MAPT: variants seen among roughly 807,000 people sequenced by gnomAD.
The protein encoded by MAPT is microtubule associated protein tau.
Under a neutral mutation model 67.9 loss-of-function variants are expected in MAPT, and 34 were observed. The ratio of observed to expected loss-of-function variants is 0.50; its 90% CI spans 0.38 to 0.67. The LOEUF (loss-of-function observed/expected upper bound fraction) is 0.67. MAPT is among the 30% of genes least tolerant of loss of function. The pLI is 0.00. For missense variants in MAPT, 881 were observed against 1,115.2 expected (o/e 0.79, Z 2.99); for synonymous variants, 456 against 464.5 (o/e 0.98, Z 0.23).
intron 1 of MAPT, among the ~76,000 whole-genome samples, chr17:45,901,490 A>G (rs559146195): frequency 3.3e-5 from 5 of 152,360 alleles, no homozygotes; most frequent in Admixed American, 6.5e-5. Context: ...TTGAGAGTAG[A>G]GTAGAAAAGG....
Position 46,010,520 on chromosome 17 carries a change from C to G in MAPT, c.2091+118C>G. ...TAAATCCTTCTTGGGCTCTCAGGAT[C>G]TGGCTGCGACCTCTGGGTGAATGTA... On this transcript the variant is annotated intron_variant, in intron 10 of 12. Coordinates refer to ENST00000262410, the MANE Select transcript of MAPT (RefSeq NM_001377265.1). This position sits in a 1 kb window ranked among gnomAD's most constrained non-coding sequence, Gnocchi z 4.7. The G allele has an allele frequency of 1.3e-6, 1 of 786,466 alleles. No individual in the cohort carries two copies. Among genetic ancestry groups the G allele is most frequent in the Non-Finnish European group, 2.2e-6 (1 of 457,494 alleles). 48.7% of individuals were successfully genotyped at this position (786,466 alleles called of 1,614,324 possible). A position where few individuals can be genotyped will look rare whatever the true frequency, so the allele number is the denominator to read the frequency against.
intron 11 of MAPT, among the ~76,000 whole-genome samples, chr17:46,014,701 C>T (rs1047770655): frequency 4.6e-5 from 7 of 152,114 alleles, no homozygotes; most frequent in Non-Finnish European, 7.4e-5. Flanking sequence ...AGTGAAACCC[C>T]GTCTCTACTA....
intron 10 of MAPT, 45 bp from the exon 11 acceptor site, chr17:46,014,194 TCCTC>T: frequency 9.5e-7 from 1 of 1,052,980 alleles, no homozygotes; most frequent in Non-Finnish European, 1.5e-6. Context: ...CTCTCTGTCT[TCCTC>T]TCTCTCTGCC....
intron 9 of MAPT, chr17:45,999,223 AG>A (rs1325789265): frequency 6.2e-5 from 97 of 1,559,646 alleles, no homozygotes; most frequent in Non-Finnish European, 7.0e-5. Context: ...CTCTTCTTAA[AG>A]CCCCTGTAAA....
At chr17:46,011,793 C>T (rs2075834866) in intron 10 of MAPT, among the ~76,000 whole-genome samples, 1 of 152,174 alleles carries the variant, frequency 6.6e-6, no homozygotes, top group South Asian at 2.1e-4. Flanking sequence ...GCATCCAGCC[C>T]AGAGGGTTTA....
Position 45,971,520 on chromosome 17 carries a change from C to T in MAPT, c.134-339C>T, listed in dbSNP as rs1049923439. On this transcript the variant is annotated intron_variant, in intron 2 of 12. Transcript: ENST00000262410. This position sits in a 1 kb window ranked among gnomAD's most constrained non-coding sequence, Gnocchi z 4.3. The stretch of plus-strand genomic sequence containing the variant: ...CAAAGCAGAAGGTTCATGCGTAGCT[C>T]GGCTTTCTGGTATTTGCTGCCCGTT... 1.3e-5 allele frequency among the ~76,000 whole-genome samples: 2 copies of T among 152,140 alleles called. No individual in the cohort carries two copies. Among genetic ancestry groups the T allele is most frequent in the Admixed American group, 6.5e-5 (1 of 15,270 alleles).
chr17:45,960,442 G>A (rs374085093), intron 1 of MAPT, among the ~76,000 whole-genome samples: 3 of 152,230 alleles, frequency 2.0e-5, no homozygotes, highest in East Asian at 1.9e-4. Context: ...GGCATGTGCC[G>A]CCTGTCCTGG....
At chr17:46,003,470 G>A (rs2435202) in intron 9 of MAPT, among the ~76,000 whole-genome samples, 7,674 of 151,860 alleles carry the variant, frequency 0.051, 562 homozygotes, top group East Asian at 0.35. Context: ...GTAGAGGAGG[G>A]GTGTCACCAT....
chr17:45,992,902 A>G, intron 8 of MAPT, among the ~76,000 whole-genome samples: 1 of 151,948 alleles, frequency 6.6e-6, no homozygotes, highest in East Asian at 1.9e-4. Flanking sequence ...AAAAAAAAAA[A>G]AAAAAAAACA....
At chr17:45,903,084 G>T (rs1369618916) in intron 1 of MAPT, among the ~76,000 whole-genome samples, 1 of 152,168 alleles carries the variant, frequency 6.6e-6, no homozygotes, top group Non-Finnish European at 1.5e-5. Context: ...AAGGATATTA[G>T]AAGACCCCTG....
chr17:45,964,091 G>A, intron 2 of MAPT, among the ~76,000 whole-genome samples: 1 of 152,104 alleles, frequency 6.6e-6, no homozygotes, highest in Non-Finnish European at 1.5e-5. Flanking sequence ...ATGGCAAGAT[G>A]GAAATGTGCT....
chr17:45,983,158 C>A lies in MAPT; in HGVS notation c.579C>A (p.Thr193=). The change falls in exon 5 of 13, where the codon ACC becomes ACA. Residue 193 remains threonine (T), a synonymous_variant. Coordinates refer to ENST00000262410, the MANE Select transcript of MAPT (RefSeq NM_001377265.1). ...GTCCGGCCTTTCCGAAGCCCGCCAC[C>A]ACTGCGTATCTCCACACAGAGCCTG... ...EKGPAFPKPA[T]TAYLHTEPES... 6.2e-7 allele frequency: 1 copy of A among 1,603,680 alleles called. No homozygotes were observed.
intron 1 of MAPT, among the ~76,000 whole-genome samples, chr17:45,921,137 G>A (rs2065673641): frequency 6.6e-6 from 1 of 152,174 alleles, no homozygotes; most frequent in African/African-American, 2.4e-5. Context: ...AGTAGGACTT[G>A]CAATTAAAAG....
intron 1 of MAPT, among the ~76,000 whole-genome samples, chr17:45,943,176 C>T (rs1041212428): frequency 6.6e-6 from 1 of 152,208 alleles, no homozygotes; most frequent in Admixed American, 6.5e-5. Context: ...GCCTCAGCCT[C>T]CCAAGTAGCT....
At chr17:45,998,355 T>G (rs1347463866) in intron 9 of MAPT, among the ~76,000 whole-genome samples, 1 of 152,092 alleles carries the variant, frequency 6.6e-6, no homozygotes, top group Non-Finnish European at 1.5e-5. Context: ...AGACCCTGCC[T>G]CTGTGCATCA....
chr17:46,023,938 C>T lies in MAPT; in HGVS notation c.2287-18C>T. 1 of 1,610,748 alleles carries T rather than the reference C, an allele frequency of 6.2e-7. No homozygotes were observed. Among genetic ancestry groups the T allele is most frequent in the Non-Finnish European group, 8.5e-7 (1 of 1,177,360 alleles). ...TCTGGCACTTCATCTCACCCTCCCT[C>T]CCTTCCTCTTCTTGCAGATTGAAAC... On this transcript the variant is annotated intron_variant, in intron 12 of 12. Coordinates refer to ENST00000262410, the MANE Select transcript of MAPT (RefSeq NM_001377265.1).
intron 9 of MAPT, among the ~76,000 whole-genome samples, chr17:45,997,129 G>A (rs536703188): frequency 6.6e-6 from 1 of 152,302 alleles, no homozygotes; most frequent in Admixed American, 6.5e-5. Context: ...TGGGGAGATT[G>A]GGGGTTCTGT....
intron 1 of MAPT, among the ~76,000 whole-genome samples, chr17:45,951,520 C>T (rs1204903775): frequency 1.3e-5 from 2 of 152,032 alleles, no homozygotes; most frequent in African/African-American, 4.8e-5. Context: ...TATCTTTGTT[C>T]TCATCTCTCT....
intron 2 of MAPT, among the ~76,000 whole-genome samples, chr17:45,963,888 T>C (rs2070737622): frequency 6.6e-6 from 1 of 151,994 alleles, no homozygotes; most frequent in South Asian, 2.1e-4. Flanking sequence ...AGCGAAGATA[T>C]TGGATTATGA....
Sources: allele counts gnomAD v4.1 joint callset (sites outside exome capture counted in the v4.1 genomes callset), GRCh38; gene constraint gnomAD v4.1.1; non-coding constraint Gnocchi (gnomAD v3.1); transcripts MANE v1.5; gene names NCBI Gene and HGNC (gene_info 2026-07-23, HGNC 2026-07-21).